Variants in UNC13B observed in about 807,000 individuals in gnomAD.
UNC13B encodes the protein protein unc-13 homolog B.
A neutral mutation model predicts 211.0 loss-of-function variants in UNC13B; 144 were observed. The ratio of observed to expected loss-of-function variants is 0.68; its 90% CI spans 0.60 to 0.78. The LOEUF is 0.78. Among genes scored for constraint, UNC13B ranks in the 30% least tolerant of loss-of-function variants. The pLI is 0.00. For synonymous variants in UNC13B, 709 were observed against 725.8 expected (o/e 0.98, Z 0.37); for missense variants, 1,777 against 2,002.0 (o/e 0.89, Z 2.14).
At chr9:35,225,767 A>T (rs1824801528) in intron 1 of UNC13B, among the ~76,000 whole-genome samples, 1 of 152,114 alleles carries the variant, frequency 6.6e-6, no homozygotes, top group African/African-American at 2.4e-5. Flanking sequence ...AATCAGTAGT[A>T]GCAGTGGCAT....
In UNC13B at chr9:35,403,978, C is replaced by T; in HGVS notation, c.12968C>T (p.Ala4323Val). The change falls in exon 40 of 40, where the codon GCC (alanine) becomes GTC (valine). Residue 4323 changes from alanine to valine, a missense_variant. Physicochemically the swap from Ala to Val is moderately conservative, Grantham distance 64 (BLOSUM62 0). Transcript: ENST00000635942. Reference protein sequence around the residue: ...ILSQRSNDEVAREFVKLKSES... With the variant: ...ILSQRSNDEVVREFVKLKSES... ...TCTCAGAGGAGCAATGACGAGGTGG[C>T]CCGAGAATTTGTGAAACTCAAATCA... is the stretch of plus-strand genomic sequence containing the variant. 1 of 1,614,030 alleles carries T rather than the reference C, an allele frequency of 6.2e-7. No homozygotes were observed. The highest frequency in any genetic ancestry group is 8.5e-7 in the Non-Finnish European group (1 of 1,180,010).
intron 1 of UNC13B, among the ~76,000 whole-genome samples, chr9:35,205,012 A>G (rs1237349542): frequency 4.6e-5 from 7 of 152,132 alleles, no homozygotes; most frequent in Admixed American, 3.9e-4. Flanking sequence ...GAGGTGATGG[A>G]TAATGGGGTG....
At chr9:35,350,919 G>T (rs921986803) in intron 11 of UNC13B, among the ~76,000 whole-genome samples, 1 of 152,200 alleles carries the variant, frequency 6.6e-6, no homozygotes. Context: ...TGTGATTTGA[G>T]CCTTGGTGGT....
chr9:35,267,575 T>C (rs1827646984), intron 7 of UNC13B, among the ~76,000 whole-genome samples: 1 of 152,226 alleles, frequency 6.6e-6, no homozygotes, highest in African/African-American at 2.4e-5. Flanking sequence ...GACTGAAGGA[T>C]GAATATGTCT....
intron 1 of UNC13B, among the ~76,000 whole-genome samples, chr9:35,206,346 C>T (rs916880942): frequency 3.9e-5 from 6 of 152,020 alleles, no homozygotes; most frequent in African/African-American, 1.5e-4. Flanking sequence ...TTTCATCATC[C>T]CAAGAAAAAT....
At chr9:35,309,327 A>T (rs1211964125) in intron 9 of UNC13B, among the ~76,000 whole-genome samples, 1 of 151,820 alleles carries the variant, frequency 6.6e-6, no homozygotes, top group South Asian at 2.1e-4. Context: ...CCTGGTACCT[A>T]TTCTGCTGGC....
At chr9:35,289,391 G>A (rs1260374774) in intron 7 of UNC13B, among the ~76,000 whole-genome samples, 1 of 152,192 alleles carries the variant, frequency 6.6e-6, no homozygotes, top group Non-Finnish European at 1.5e-5. Flanking sequence ...GTCAGAGGGT[G>A]CAATTCTAGG....
chr9:35,202,732 C>G (rs1401898093), intron 1 of UNC13B, among the ~76,000 whole-genome samples: 2 of 151,708 alleles, frequency 1.3e-5, no homozygotes, highest in Non-Finnish European at 2.9e-5. Context: ...TTATTTTGAG[C>G]CTATATGTGT....
intron 11 of UNC13B, among the ~76,000 whole-genome samples, chr9:35,334,288 C>T (rs1831532740): frequency 6.6e-6 from 1 of 152,162 alleles, no homozygotes; most frequent in African/African-American, 2.4e-5. Context: ...TTTGTACCTC[C>T]CCTTACACTT....
intron 1 of UNC13B, among the ~76,000 whole-genome samples, chr9:35,189,524 AT>A (rs1822536191): frequency 6.6e-6 from 1 of 152,212 alleles, no homozygotes; most frequent in South Asian, 2.1e-4. Context: ...TTTCTTAAAG[AT>A]TACAGTCATG....
chr9:35,213,978 A>C lies in UNC13B; in HGVS notation c.23-14037A>C, dbSNP rs540307110. On this transcript the variant is annotated intron_variant, in intron 1 of 39. Coordinates refer to ENST00000635942, the MANE Select transcript of UNC13B (RefSeq NM_001371189.2). ...CATAATGCAAAATTATAAAACCTAC[A>C]AAAAAAATAGCCAACCAGAGTGTCA... Among the ~76,000 whole-genome samples the C allele has an allele frequency of 1.1e-4, 16 of 152,076 alleles. No homozygotes were observed. In the East Asian group the frequency reaches 1.7e-3, roughly 17 times the overall value.
At position 35,399,823 on chromosome 9, in the gene UNC13B, A is replaced by T. The variant is rs1266653138; in HGVS notation, c.12336+94A>T. The T allele has an allele frequency of 2.5e-6, 3 of 1,207,716 alleles. No homozygotes were observed. In the African/African-American group the frequency reaches 4.5e-5, roughly 18 times the overall value. The allele number at this position is 1,207,716 out of a possible 1,614,324, so 74.8% of individuals were successfully genotyped here. A position where few individuals can be genotyped will look rare whatever the true frequency, so the allele number is the denominator to read the frequency against. On this transcript the variant is annotated intron_variant, in intron 36 of 39. Transcript: ENST00000635942. ...CAGACCAGGTGTCCCTCCAATTCTT[A>T]ACACTCCACATCCAGAAGAGAGTTA...
intron 11 of UNC13B, among the ~76,000 whole-genome samples, chr9:35,325,333 C>T (rs890005166): frequency 6.6e-6 from 1 of 152,150 alleles, no homozygotes; most frequent in African/African-American, 2.4e-5. Flanking sequence ...CCTATTCTCA[C>T]TTTTGGTTGA....
intron 7 of UNC13B, among the ~76,000 whole-genome samples, chr9:35,276,535 C>A (rs1310827897): frequency 6.6e-6 from 1 of 152,100 alleles, no homozygotes; most frequent in Admixed American, 6.6e-5. Flanking sequence ...ATTTTGAATT[C>A]GTTGTGGTCA....
intron 11 of UNC13B, among the ~76,000 whole-genome samples, chr9:35,364,978 A>T (rs191908958): frequency 6.6e-6 from 1 of 152,196 alleles, no homozygotes; most frequent in African/African-American, 2.4e-5. Flanking sequence ...CCCAGCACGC[A>T]TGTGTACTTT....
At chr9:35,286,197 C>T (rs1341941000) in intron 7 of UNC13B, among the ~76,000 whole-genome samples, 1 of 148,806 alleles carries the variant, frequency 6.7e-6, no homozygotes, top group Non-Finnish European at 1.5e-5. Context: ...AGTTATCAGA[C>T]AGACCAAGCC....
intron 1 of UNC13B, among the ~76,000 whole-genome samples, chr9:35,171,560 C>T (rs1353156024): frequency 6.6e-6 from 1 of 152,142 alleles, no homozygotes; most frequent in African/African-American, 2.4e-5. Context: ...TGCCACCACA[C>T]CTGGCTAATT....
At chr9:35,335,115 C>A (rs913221910) in intron 11 of UNC13B, among the ~76,000 whole-genome samples, 5 of 152,172 alleles carry the variant, frequency 3.3e-5, no homozygotes, top group Admixed American at 6.5e-5. Context: ...ATAATTAAGT[C>A]TTTTAACTGA....
rs766322907 is a variant in UNC13B at position 35,258,980 on chromosome 9, T to C, written c.469-13T>C. 2 of 1,612,022 alleles carry C rather than the reference T, an allele frequency of 1.2e-6. No homozygotes were observed. Among genetic ancestry groups the C allele is most frequent in the South Asian group, 1.1e-5 (1 of 90,832 alleles). On this transcript the variant is annotated splice_polypyrimidine_tract_variant and intron_variant, in intron 6 of 39. Coordinates refer to ENST00000635942, the MANE Select transcript of UNC13B (RefSeq NM_001371189.2). ...TTGTATTTATTTATTTATTTTCTCC[T>C]TTCTGCTTCTAGTATTCTAGTCAAG...
Sources: allele counts gnomAD v4.1 joint callset (sites outside exome capture counted in the v4.1 genomes callset), GRCh38; gene constraint gnomAD v4.1.1; transcripts MANE v1.5; gene names NCBI Gene and HGNC (gene_info 2026-07-23, HGNC 2026-07-21).